Variants in ADCY1 observed in about 807,000 individuals in gnomAD.
The protein encoded by ADCY1 is adenylate cyclase 1.
In ADCY1, 28 loss-of-function variants were observed where a neutral mutation model predicts 105.4. The observed-to-expected ratio is 0.27, with a 90% CI of 0.20 to 0.36. The LOEUF is 0.36. Ranked by LOEUF, ADCY1 falls within the 10% of genes least tolerant of loss-of-function variation. The pLI, the probability that ADCY1 is intolerant of heterozygous loss-of-function variation, is 1.00. For synonymous variants in ADCY1, 655 were observed against 623.8 expected (o/e 1.05, Z -0.75); for missense variants, 977 against 1,434.2 (o/e 0.68, Z 5.15).
At chr7:45,711,226 G>A (rs1785225268) in intron 19 of ADCY1, among the ~76,000 whole-genome samples, 1 of 152,156 alleles carries the variant, frequency 6.6e-6, no homozygotes, top group Non-Finnish European at 1.5e-5. Context: ...ATGACCACCA[G>A]GATGAAGCCC....
intron 4 of ADCY1, among the ~76,000 whole-genome samples, chr7:45,633,800 CAAA>C (rs754127020): frequency 1.6e-4 from 8 of 49,472 alleles, no homozygotes; most frequent in African/African-American, 2.7e-4. Context: ...GACATCATCG[CAAA>C]AAAAAAAAAA....
chr7:45,580,824 G>A (rs1310342537), intron 1 of ADCY1, among the ~76,000 whole-genome samples: 1 of 152,180 alleles, frequency 6.6e-6, no homozygotes, highest in Non-Finnish European at 1.5e-5. Context: ...GGACCTGAGG[G>A]GACCACTCAG....
At chr7:45,695,257 C>T (rs903202865) in intron 14 of ADCY1, among the ~76,000 whole-genome samples, 7 of 152,180 alleles carry the variant, frequency 4.6e-5, no homozygotes, top group Non-Finnish European at 8.8e-5. Context: ...TGTAGGAGGG[C>T]AAATTGAATT....
At chr7:45,589,668 G>A (rs546137772) in intron 1 of ADCY1, among the ~76,000 whole-genome samples, 27 of 152,278 alleles carry the variant, frequency 1.8e-4, no homozygotes, top group African/African-American at 5.3e-4. Flanking sequence ...ATGCGGGGGC[G>A]TGGGTGTCTC....
At chr7:45,675,199 A>G (rs561189379) in intron 8 of ADCY1, among the ~76,000 whole-genome samples, 96 of 152,130 alleles carry the variant, frequency 6.3e-4, no homozygotes, top group Middle Eastern at 3.4e-3. Context: ...ATCTTGTTGC[A>G]TACAATTTTT....
At chr7:45,574,300 G>A, upstream of ADCY1, 1 of 252,006 alleles carries the variant, frequency 4.0e-6, no homozygotes, top group Non-Finnish European at 6.2e-6. The surrounding 1 kb of genome is among the most constrained non-coding windows in gnomAD (Gnocchi z 7.0). Flanking sequence ...GTCGCAGCGC[G>A]GTCGCCGCCG....
At chr7:45,594,882 C>T (rs980540148) in intron 2 of ADCY1, among the ~76,000 whole-genome samples, 1 of 152,128 alleles carries the variant, frequency 6.6e-6, no homozygotes, top group African/African-American at 2.4e-5. Context: ...GTTTATTTTT[C>T]CCCACGTGAT....
intron 14 of ADCY1, among the ~76,000 whole-genome samples, chr7:45,700,341 G>T (rs1046994739): frequency 6.6e-6 from 1 of 152,182 alleles, no homozygotes; most frequent in Non-Finnish European, 1.5e-5. Context: ...GTCACAGAGT[G>T]CCTCTTGCTT....
rs751699587 is a variant in ADCY1 at position 45,610,406 on chromosome 7, C to T, written c.817C>T (p.Arg273Trp). ...QERLLMSLLP[R>W]NVAMEMKEDF... ...GCGGCTCCTCATGAGCCTCCTGCCC[C>T]GGAACGTTGCCATGGAGATGAAGGA... The change falls in exon 3 of 20, where the codon CGG (arginine) becomes TGG (tryptophan). Residue 273 changes from arginine (R) to tryptophan (W), a missense_variant. By Grantham distance (101) the Arg-to-Trp change is moderately radical. Around this residue, in one of 7 missense-constraint regions of ADCY1, gnomAD observed 196 missense variants for 347.8 expected, o/e 0.56. Transcript: ENST00000297323. The T allele has an allele frequency of 7.4e-6, 12 of 1,613,874 alleles. No homozygotes were observed. Among genetic ancestry groups the T allele is most frequent in the East Asian group, 2.2e-5 (1 of 44,848 alleles).
chr7:45,646,530 C>A (rs887364085), intron 4 of ADCY1, among the ~76,000 whole-genome samples: 1 of 152,218 alleles, frequency 6.6e-6, no homozygotes, highest in African/African-American at 2.4e-5. Context: ...TGCACAGAGA[C>A]CCTTGCCCAG....
chr7:45,617,558 G>A (rs1793770576), intron 3 of ADCY1, among the ~76,000 whole-genome samples: 1 of 152,196 alleles, frequency 6.6e-6, no homozygotes, highest in Non-Finnish European at 1.5e-5. Flanking sequence ...TCAAGTTGGA[G>A]AATAGGAAAT....
chr7:45,577,322 G>A (rs1366415864), intron 1 of ADCY1, among the ~76,000 whole-genome samples: 3 of 152,228 alleles, frequency 2.0e-5, no homozygotes, highest in African/African-American at 7.2e-5. Flanking sequence ...TGTCTATACA[G>A]GTGGTAGTGA....
chr7:45,654,863 C>G (rs984049586), intron 5 of ADCY1, among the ~76,000 whole-genome samples: 5 of 152,124 alleles, frequency 3.3e-5, no homozygotes, highest in Admixed American at 3.3e-4. Context: ...GTTAGGGAAA[C>G]TGAGTCCTAG....
chr7:45,662,681 A>G (rs915076416), intron 8 of ADCY1, among the ~76,000 whole-genome samples: 2 of 152,014 alleles, frequency 1.3e-5, no homozygotes, highest in African/African-American at 4.8e-5. Flanking sequence ...CTGCCTGCAG[A>G]TGGCCTTCCT....
chr7:45,660,228 G>T (rs753773141), intron 7 of ADCY1, 45 bp downstream of exon 7: 2 of 1,610,322 alleles, frequency 1.2e-6, no homozygotes, highest in Non-Finnish European at 1.7e-6. Context: ...TTAGCTTCTT[G>T]GCCTGTGCAG....
Position 45,592,609 on chromosome 7 carries a change from T to A in ADCY1, c.640-150T>A, listed in dbSNP as rs1024130716. ...GGGTGAGGACGAGCTCCTGCCCGGCTGACTCCCTGTGTCCCTGGCCCTGCG... is the reference window on the plus strand; with the variant it reads ...GGGTGAGGACGAGCTCCTGCCCGGCAGACTCCCTGTGTCCCTGGCCCTGCG... On this transcript the variant is annotated intron_variant, in intron 1 of 19. Transcript: ENST00000297323. 2.9e-5 allele frequency: 30 copies of A among 1,035,898 alleles called. No homozygotes were observed. In the African/African-American group the frequency reaches 4.3e-4, roughly 15 times the overall value. 64.2% of individuals were successfully genotyped at this position (1,035,898 alleles called of 1,614,324 possible).
At chr7:45,642,092 A>G (rs1037212529) in intron 4 of ADCY1, among the ~76,000 whole-genome samples, 7 of 152,060 alleles carry the variant, frequency 4.6e-5, no homozygotes, top group African/African-American at 1.4e-4. Context: ...TTTATTACTC[A>G]CAGCCTGTAG....
chr7:45,658,549 T>C (rs1319947056), intron 6 of ADCY1, among the ~76,000 whole-genome samples: 1 of 152,146 alleles, frequency 6.6e-6, no homozygotes, highest in East Asian at 1.9e-4. Flanking sequence ...CAGGCAACTT[T>C]TGCAGAACAC....
chr7:45,639,806 A>G (rs1409312526), intron 4 of ADCY1, among the ~76,000 whole-genome samples: 1 of 152,162 alleles, frequency 6.6e-6, no homozygotes, highest in African/African-American at 2.4e-5. Flanking sequence ...GAGGTTAGAC[A>G]ACCCCCATGA....
Sources: gnomAD v4.1 joint callset for allele counts (sites outside exome capture counted in the v4.1 genomes callset) on GRCh38, gnomAD v4.1.1 for gene constraint, gnomAD v4.1.1 regional missense constraint, Gnocchi (gnomAD v3.1) non-coding constraint, MANE v1.5 for transcripts, NCBI Gene and HGNC (gene_info 2026-07-23, HGNC 2026-07-21) for gene names.